The following CSDC2 variants were observed in gnomAD, a reference collection of about 807,000 sequenced individuals.
CSDC2 encodes the protein cold shock domain-containing protein C2.
CSDC2 carries 8 observed loss-of-function variants against 15.8 expected under a neutral mutation model. The ratio of observed to expected loss-of-function variants is 0.51; its 90% CI spans 0.30 to 0.92. CSDC2 has a LOEUF of 0.92. Among genes scored for constraint, CSDC2 ranks in the 40% least tolerant of loss-of-function variants. The pLI, the probability that CSDC2 is intolerant of heterozygous loss-of-function variation, is 0.07. For synonymous variants in CSDC2, 96 were observed against 92.3 expected, an observed-to-expected ratio of 1.04 and a Z score of -0.23; for missense variants, 195 against 213.3, an observed-to-expected ratio of 0.91 and a Z score of 0.53.
At chr22:41,572,659 C>A (rs908967709) in intron 2 of CSDC2, among the ~76,000 whole-genome samples, 12 of 152,132 alleles carry the variant, frequency 7.9e-5, no homozygotes, top group Admixed American at 3.9e-4. Flanking sequence ...GCATGGGGTA[C>A]CAGAGGAGAT....
intron 1 of CSDC2, among the ~76,000 whole-genome samples, chr22:41,562,501 G>A (rs1333862893): frequency 6.6e-6 from 1 of 151,982 alleles, no homozygotes; most frequent in African/African-American, 2.4e-5. Flanking sequence ...GCTCTCCCAG[G>A]CTTGGAGAGA....
intron 1 of CSDC2, among the ~76,000 whole-genome samples, chr22:41,568,511 C>T (rs1184269900): frequency 1.3e-5 from 2 of 152,224 alleles, no homozygotes; most frequent in African/African-American, 4.8e-5. Flanking sequence ...TCTTAAGCTC[C>T]TGGGCTTAAA....
At chr22:41,567,014 C>T (rs1172049502) in intron 1 of CSDC2, among the ~76,000 whole-genome samples, 1 of 152,106 alleles carries the variant, frequency 6.6e-6, no homozygotes, top group Non-Finnish European at 1.5e-5. Flanking sequence ...TCAGGCTGCC[C>T]TCTTACCTGA....
chr22:41,570,669 C>A (rs2064164), intron 1 of CSDC2, among the ~76,000 whole-genome samples: 46,562 of 150,874 alleles, frequency 0.31, 8,778 homozygotes, highest in African/African-American at 0.48. Flanking sequence ...TAAAAATACA[C>A]AAATTAGCCA....
chr22:41,561,198 G>A lies in CSDC2; in HGVS notation c.-124+15G>A, dbSNP rs2145593471. ...GCCCAGGAGAGGTGAGGGGCTAGAT[G>A]GGGCCTGAGGACACTGTGCCAGAAA... On this transcript the variant is annotated intron_variant, in intron 1 of 3. Coordinates refer to ENST00000306149, the MANE Select transcript of CSDC2 (RefSeq NM_014460.4). 6.6e-6 allele frequency: 1 copy of A among 152,616 alleles called. No individual in the cohort carries two copies. The highest frequency in any genetic ancestry group is 2.4e-5 in the African/African-American group (1 of 41,594). The allele number at this position is 152,616 out of a possible 1,614,324, so 9.5% of individuals were successfully genotyped here.
chr22:41,573,568 G>T, intron 2 of CSDC2, 87 bp from the exon 3 acceptor site: 1 of 1,486,606 alleles, frequency 6.7e-7, no homozygotes, highest in Non-Finnish European at 9.1e-7. Context: ...CCTGAGGCAC[G>T]CTCAGCAGAA....
At chr22:41,573,354 CAA>C (rs368902725) in intron 2 of CSDC2, among the ~76,000 whole-genome samples, 5 of 138,002 alleles carry the variant, frequency 3.6e-5, no homozygotes, top group Non-Finnish European at 4.8e-5. Flanking sequence ...GACCCTGTCT[CAA>C]AAAAAAAAAA....
chr22:41,568,264 A>G (rs1305410094), intron 1 of CSDC2, among the ~76,000 whole-genome samples: 1 of 151,348 alleles, frequency 6.6e-6, no homozygotes, highest in Non-Finnish European at 1.5e-5. Flanking sequence ...AGCTGGGACC[A>G]CAGGCATGCA....
At chr22:41,569,983 T>C (rs1035789937) in intron 1 of CSDC2, among the ~76,000 whole-genome samples, 2 of 152,046 alleles carry the variant, frequency 1.3e-5, no homozygotes, top group African/African-American at 2.4e-5. Flanking sequence ...TTTCACCATG[T>C]TGGCCAGGCT....
chr22:41,575,619 T>G lies in CSDC2; in HGVS notation c.*724T>G, dbSNP rs1292020465. ...CTGGGCTCCTTCCCCTGGGCTGTAC[T>G]GAGCCGAGCCCAGGGGTTTGCAGAG... is the stretch of plus-strand genomic sequence containing the variant. On this transcript the variant is annotated 3_prime_UTR_variant, in exon 4 of 4. Transcript: ENST00000306149. 1 of 152,824 alleles carries G rather than the reference T, an allele frequency of 6.5e-6. No individual in the cohort carries two copies. Among genetic ancestry groups the G allele is most frequent in the Non-Finnish European group, 1.5e-5 (1 of 68,556 alleles). The allele number at this position is 152,824 out of a possible 1,614,324, so 9.5% of individuals were successfully genotyped here.
Position 41,572,026 on chromosome 22 carries a change from G to C in CSDC2, c.61G>C (p.Val21Leu), listed in dbSNP as rs1275359646. Residue 21 changes from valine to leucine, a missense_variant, in exon 2 of 4, where the codon GTC becomes CTC. Val to Leu is a conservative substitution (Grantham distance 32, BLOSUM62 1). Transcript: ENST00000306149. ...CCCGCTCCACTCCCCCAAGTCCCCAGTCTGGCCCACCTTCCCCTTCCACAG... is the reference window on the plus strand; with the variant it reads ...CCCGCTCCACTCCCCCAAGTCCCCACTCTGGCCCACCTTCCCCTTCCACAG... The part of the protein sequence containing the change: ...VPPLHSPKSP[V>L]WPTFPFHREG... 1 of 1,359,138 alleles carries C rather than the reference G, an allele frequency of 7.4e-7. No homozygotes were observed. The highest frequency in any genetic ancestry group is 1.5e-5 in the African/African-American group (1 of 65,826). The allele number at this position is 1,359,138 out of a possible 1,614,324, so 84.2% of individuals were successfully genotyped here.
chr22:41,571,071 C>T (rs909973146), intron 1 of CSDC2, among the ~76,000 whole-genome samples: 16 of 151,542 alleles, frequency 1.1e-4, no homozygotes, highest in African/African-American at 3.1e-4. Flanking sequence ...TTGACCAATG[C>T]GCTGGACGAG....
At chr22:41,562,848 G>T (rs2067094388) in intron 1 of CSDC2, among the ~76,000 whole-genome samples, 1 of 152,182 alleles carries the variant, frequency 6.6e-6, no homozygotes, top group African/African-American at 2.4e-5. Context: ...TGGCACACCA[G>T]AAAGCTGTGG....
rs1259357446 is a variant in CSDC2 at position 41,575,547 on chromosome 22, G to C, written c.*652G>C. On this transcript the variant is annotated 3_prime_UTR_variant, in exon 4 of 4. Transcript: ENST00000306149. ...GGCCTGAGGGCGGAAGGGGTTTGGG[G>C]CTCCCATTTCGCCGGCCAGTCCCTC... The C allele has an allele frequency of 6.5e-6, 1 of 153,158 alleles. No individual in the cohort carries two copies. Among genetic ancestry groups the C allele is most frequent in the African/African-American group, 2.4e-5 (1 of 41,458 alleles). The allele number at this position is 153,158 out of a possible 1,614,324, so 9.5% of individuals were successfully genotyped here.
intron 1 of CSDC2, among the ~76,000 whole-genome samples, chr22:41,566,466 A>AAAAC (rs1555896245): frequency 9.0e-5 from 12 of 133,864 alleles, no homozygotes; most frequent in African/African-American, 3.2e-4. Flanking sequence ...AAAAAAAAAA[A>AAAAC]ACACACAAAA....
At chr22:41,566,271 T>C (rs1242170931) in intron 1 of CSDC2, among the ~76,000 whole-genome samples, 5 of 150,894 alleles carry the variant, frequency 3.3e-5, no homozygotes, top group Admixed American at 2.0e-4. Flanking sequence ...TGGTGAAACC[T>C]TGTCTGTACT....
At chr22:41,571,145 G>A (rs974902611) in intron 1 of CSDC2, among the ~76,000 whole-genome samples, 1 of 152,050 alleles carries the variant, frequency 6.6e-6, no homozygotes, top group Non-Finnish European at 1.5e-5. Context: ...CTGAGGTCAG[G>A]AGTTCGAGAC....
At chr22:41,570,994 A>C (rs547017331) in intron 1 of CSDC2, among the ~76,000 whole-genome samples, 5 of 151,658 alleles carry the variant, frequency 3.3e-5, no homozygotes, top group Non-Finnish European at 7.4e-5. Context: ...AAAAAAAAAA[A>C]AAAAACAAAG....
intron 1 of CSDC2, among the ~76,000 whole-genome samples, chr22:41,564,375 T>G (rs993685806): frequency 6.6e-6 from 1 of 152,050 alleles, no homozygotes. Flanking sequence ...TCCTCCGGCC[T>G]CAGGCCTCCC....
Sources: gnomAD v4.1 joint callset for allele counts (sites outside exome capture counted in the v4.1 genomes callset) on GRCh38, gnomAD v4.1.1 for gene constraint, MANE v1.5 for transcripts, NCBI Gene and HGNC (gene_info 2026-07-23, HGNC 2026-07-21) for gene names.